Variants in TM7SF3 observed in about 807,000 individuals in gnomAD.
TM7SF3 encodes transmembrane 7 superfamily member 3, also known as seven span transmembrane protein.
TM7SF3 carries 60 observed loss-of-function variants against 65.5 expected under a neutral mutation model. The ratio of observed to expected loss-of-function variants is 0.92; its 90% CI spans 0.74 to 1.14. The LOEUF (loss-of-function observed/expected upper bound fraction) is 1.14. Among genes scored for constraint, TM7SF3 ranks in the 50% most tolerant of loss-of-function variants. TM7SF3 has a pLI of 0.00. For missense variants in TM7SF3, 623 were observed against 684.8 expected, an observed-to-expected ratio of 0.91 and a Z score of 1.01; for synonymous variants, 264 against 259.6, an observed-to-expected ratio of 1.02 and a Z score of -0.16.
chr12:27,012,036 A>T (rs997445508), intron 1 of TM7SF3, among the ~76,000 whole-genome samples: 3 of 152,212 alleles, frequency 2.0e-5, no homozygotes, highest in African/African-American at 7.2e-5. Context: ...ACCTGTTAAA[A>T]TAGAGATAGC....
intron 5 of TM7SF3, among the ~76,000 whole-genome samples, 166 bp downstream of exon 5, chr12:26,995,071 G>T (rs1940532837): frequency 6.6e-6 from 1 of 152,130 alleles, no homozygotes. Context: ...ATCATTTTGA[G>T]ATATCACCAG....
In TM7SF3 at chr12:26,973,804, T is replaced by C; in HGVS notation, c.*161A>G. 1 of 872,166 alleles carries C rather than the reference T, an allele frequency of 1.1e-6. No individual in the cohort carries two copies. The allele number at this position is 872,166 out of a possible 1,614,324, so 54.0% of individuals were successfully genotyped here. A position where few individuals can be genotyped will look rare whatever the true frequency, so the allele number is the denominator to read the frequency against. ...TCTCATTCTCTTACAATCATCCTAA[T>C]CCCCTAGTACACCCTTACCATATAT... On this transcript the variant is annotated 3_prime_UTR_variant, in exon 12 of 12. Transcript: ENST00000343028.
intron 6 of TM7SF3, among the ~76,000 whole-genome samples, chr12:26,985,669 A>G (rs1940040156): frequency 1.5e-5 from 2 of 133,540 alleles, no homozygotes; most frequent in South Asian, 4.7e-4. Context: ...ATATATATAT[A>G]TATATATATA....
chr12:27,012,300 G>A (rs1025277116), intron 1 of TM7SF3, among the ~76,000 whole-genome samples: 1 of 152,072 alleles, frequency 6.6e-6, no homozygotes, highest in African/African-American at 2.4e-5. Flanking sequence ...AACACTGCAC[G>A]TGGAAAGCAC....
At chr12:26,985,967 C>G (rs374982181) in intron 6 of TM7SF3, among the ~76,000 whole-genome samples, 2 of 150,350 alleles carry the variant, frequency 1.3e-5, no homozygotes, top group African/African-American at 4.9e-5. Context: ...CTACAGGCGC[C>G]CACCACCATG....
chr12:26,990,848 T>A (rs1357705421), intron 5 of TM7SF3, among the ~76,000 whole-genome samples: 2 of 152,246 alleles, frequency 1.3e-5, no homozygotes, highest in African/African-American at 2.4e-5. Context: ...AGGTTTTTTT[T>A]AATAGTTTAA....
Position 26,974,167 on chromosome 12 carries a change from C to A in TM7SF3, c.1511G>T (p.Arg504Leu). Residue 504 changes from arginine to leucine, a missense_variant, in exon 12 of 12, where the codon CGA (arginine) becomes CTA (leucine). Coordinates refer to ENST00000343028, the MANE Select transcript of TM7SF3 (RefSeq NM_016551.3). ...GAAGAACGGTCGTCCTCTCTCTCTT[C>A]GAATCTGTAACGTAATTCCACTTAC... ...LAVSGITLQI[R>L]RERGRPFFPP... 6.2e-7 allele frequency: 1 copy of A among 1,614,140 alleles called. No homozygotes were observed. Among genetic ancestry groups the A allele is most frequent in the Non-Finnish European group, 8.5e-7 (1 of 1,180,008 alleles).
chr12:26,982,640 C>T (rs1482055156), intron 7 of TM7SF3, 133 bp downstream of exon 7: 10 of 587,406 alleles, frequency 1.7e-5, no homozygotes, highest in South Asian at 5.3e-5. Context: ...AGTAGACTCA[C>T]GACTACAAGA....
In TM7SF3 at chr12:27,010,449, T is replaced by C. The variant is rs1235871748; in HGVS notation, c.91+3629A>G. Among the ~76,000 whole-genome samples the C allele has an allele frequency of 2.0e-5, 3 of 152,194 alleles. No homozygotes were observed. In the East Asian group the frequency reaches 5.8e-4, roughly 29 times the overall value. ...TCCGAAGAGTGACAACAAAAGATAC[T>C]GAAAGTCAAGACAACTTAAACAGCT... On this transcript the variant is annotated intron_variant, in intron 1 of 11. Transcript: ENST00000343028.
chr12:27,004,309 G>T (rs1940949357), intron 1 of TM7SF3, among the ~76,000 whole-genome samples: 1 of 152,108 alleles, frequency 6.6e-6, no homozygotes. Flanking sequence ...GTATCTGTCT[G>T]CATGAACAGC....
rs983622213 is a variant in TM7SF3, at chr12:26,972,561, A to T, written c.*1404T>A. 6.6e-6 allele frequency: 1 copy of T among 151,550 alleles called. No individual in the cohort carries two copies. The highest frequency in any genetic ancestry group is 1.5e-5 in the Non-Finnish European group (1 of 67,778). The allele number at this position is 151,550 out of a possible 1,614,324, so 9.4% of individuals were successfully genotyped here. On this transcript the variant is annotated 3_prime_UTR_variant, in exon 12 of 12. Coordinates refer to ENST00000343028, the MANE Select transcript of TM7SF3 (RefSeq NM_016551.3). ...CTCCCGAGTAGCTGGGATTACAGGC[A>T]CCTGCCACAATACCCAGCTAATTTT...
At chr12:27,001,468 T>C (rs995284315) in intron 2 of TM7SF3, among the ~76,000 whole-genome samples, 1 of 152,184 alleles carries the variant, frequency 6.6e-6, no homozygotes, top group Non-Finnish European at 1.5e-5. Context: ...GGTTCCTAAC[T>C]GGGGGCCTGA....
chr12:26,980,868 C>A (rs1038864729), intron 7 of TM7SF3, among the ~76,000 whole-genome samples: 2 of 151,948 alleles, frequency 1.3e-5, no homozygotes, highest in African/African-American at 4.8e-5. Flanking sequence ...ATTAAAGTAC[C>A]AACTACAGGA....
At chr12:27,000,021 T>G (rs916637084) in intron 2 of TM7SF3, among the ~76,000 whole-genome samples, 1 of 152,218 alleles carries the variant, frequency 6.6e-6, no homozygotes, top group Non-Finnish European at 1.5e-5. Flanking sequence ...GAAAGCTGTC[T>G]TATAGGCTGA....
chr12:27,007,243 C>T (rs117983685), intron 1 of TM7SF3, among the ~76,000 whole-genome samples: 2,026 of 152,242 alleles, frequency 0.013, 25 homozygotes, highest in Non-Finnish European at 0.019. Context: ...GAAAATGATG[C>T]CTCATCATCT....
At chr12:27,003,651 G>A (rs1248424754) in intron 1 of TM7SF3, among the ~76,000 whole-genome samples, 2 of 152,154 alleles carry the variant, frequency 1.3e-5, no homozygotes, top group Non-Finnish European at 2.9e-5. Flanking sequence ...CAGGCTCCTG[G>A]AACCCAGAGA....
At chr12:26,981,016 A>C (rs561900727) in intron 7 of TM7SF3, among the ~76,000 whole-genome samples, 11 of 152,380 alleles carry the variant, frequency 7.2e-5, no homozygotes, top group Admixed American at 3.3e-4. Flanking sequence ...GAAATTACAC[A>C]TTAAATTTTA....
rs935001979 is a variant in TM7SF3, at chr12:26,980,589, C to T, written c.1013G>A (p.Arg338Lys). The change falls in exon 8 of 12, where the codon AGA (arginine) becomes AAA (lysine). Residue 338 changes from arginine to lysine, a missense_variant. Coordinates refer to ENST00000343028, the MANE Select transcript of TM7SF3 (RefSeq NM_016551.3). The stretch of plus-strand genomic sequence containing the variant: ...ACCATCATACTTGATAGGTGTCAGT[C>T]TTGTAATCAGTATATAAAAGAAGAA... ...MGFFFYILIT[R>K]LTPIKYDVNL... 1.3e-6 allele frequency: 2 copies of T among 1,555,472 alleles called. No individual in the cohort carries two copies. The highest frequency in any genetic ancestry group is 8.8e-7 in the Non-Finnish European group (1 of 1,131,396).
At chr12:26,990,392 A>G (rs768336784) in intron 6 of TM7SF3, 58 bp downstream of exon 6, 16 of 1,326,568 alleles carry the variant, frequency 1.2e-5, no homozygotes, top group African/African-American at 2.9e-5. Context: ...GAACTAGACA[A>G]AAGCATTATC....
Sources: allele counts gnomAD v4.1 joint callset (sites outside exome capture counted in the v4.1 genomes callset), GRCh38; gene constraint gnomAD v4.1.1; transcripts MANE v1.5; gene names NCBI Gene and HGNC (gene_info 2026-07-23, HGNC 2026-07-21).